The following OR5AS1 variants were observed in gnomAD, a reference collection of about 807,000 sequenced individuals.
OR5AS1 encodes the protein olfactory receptor 5AS1.
For synonymous variants in OR5AS1, 196 were observed against 141.7 expected (o/e 1.38, Z -2.72); for missense variants, 492 against 378.2 (o/e 1.30, Z -2.50).
chr11:56,030,942 A>G lies in OR5AS1; in HGVS notation c.524A>G (p.Asn175Ser), dbSNP rs773840562. Reference protein sequence around the residue: ...RLSFCGSNIVNHFFCDIPPLL... With the variant: ...RLSFCGSNIVSHFFCDIPPLL... ...TCATTTTGTGGCTCCAATATCGTCA[A>G]TCATTTTTTCTGTGATATCCCACCT... The change falls in exon 2 of 2, where the codon AAT becomes AGT. Residue 175 changes from asparagine to serine, a missense_variant. Physicochemically the swap from Asn to Ser is conservative, Grantham distance 46. Transcript: ENST00000641320. 9 of 1,614,126 alleles carry G rather than the reference A, an allele frequency of 5.6e-6. No homozygotes were observed. Among genetic ancestry groups the G allele is most frequent in the Non-Finnish European group, 7.6e-6 (9 of 1,180,004 alleles).
At chr11:56,030,094 G>A (rs1202260362) in intron 1 of OR5AS1, among the ~76,000 whole-genome samples, 1 of 151,990 alleles carries the variant, frequency 6.6e-6, no homozygotes, top group Admixed American at 6.6e-5. Flanking sequence ...CTCATTACAT[G>A]AGCTACATTT....
Position 56,033,341 on chromosome 11 carries a change from A to G in OR5AS1, c.*1948A>G, listed in dbSNP as rs1051336472. 1.3e-5 allele frequency: 2 copies of G among 152,662 alleles called. No homozygotes were observed. Among genetic ancestry groups the G allele is most frequent in the Non-Finnish European group, 2.9e-5 (2 of 68,598 alleles). 9.5% of individuals were successfully genotyped at this position (152,662 alleles called of 1,614,324 possible). A position where few individuals can be genotyped will look rare whatever the true frequency, so the allele number is the denominator to read the frequency against. ...CAAGTGGTCTAGCTCAGCAGATCCC[A>G]CCCCCATGGAGCCCAGCAAGCTAAG... On this transcript the variant is annotated 3_prime_UTR_variant, in exon 2 of 2. Transcript: ENST00000641320.
chr11:56,031,315 T>C lies in OR5AS1; in HGVS notation c.897T>C (p.Asn299=), dbSNP rs1324908941. Reference sequence around the variant, plus strand: ...GTTTCAGAAACAAGGATGTGAAAAATGCTCTCAAAAAGCTATTAGAAAGAA... The same window carrying C: ...GTTTCAGAAACAAGGATGTGAAAAACGCTCTCAAAAAGCTATTAGAAAGAA... The part of the protein sequence containing the change: ...IYSFRNKDVK[N]ALKKLLERIG... The change falls in exon 2 of 2, where the codon AAT becomes AAC. Residue 299 remains asparagine (N), a synonymous_variant. Transcript: ENST00000641320. 18 of 1,603,304 alleles carry C rather than the reference T, an allele frequency of 1.1e-5. No homozygotes were observed. The highest frequency in any genetic ancestry group is 1.5e-5 in the Non-Finnish European group (18 of 1,175,418).
At chr11:56,028,287 T>C (rs1853315800) in intron 1 of OR5AS1, among the ~76,000 whole-genome samples, 1 of 152,020 alleles carries the variant, frequency 6.6e-6, no homozygotes, top group Admixed American at 6.6e-5. Flanking sequence ...TCTTATAATA[T>C]ATTATTATGC....
Position 56,034,414 on chromosome 11 carries a change from T to C in OR5AS1, c.*3021T>C, listed in dbSNP as rs776063660. The C allele has an allele frequency of 6.6e-5, 10 of 151,924 alleles. No homozygotes were observed. Among genetic ancestry groups the C allele is most frequent in the Non-Finnish European group, 1.0e-4 (7 of 68,018 alleles). The allele number at this position is 151,924 out of a possible 1,614,324, so 9.4% of individuals were successfully genotyped here. On this transcript the variant is annotated 3_prime_UTR_variant, in exon 2 of 2. Coordinates refer to ENST00000641320, the MANE Select transcript of OR5AS1 (RefSeq NM_001001921.2). ...TAGAATAACTGGTTTGAAGAGAACA[T>C]AAATAACCTGATGGAGCTGAAAAAC...
rs1381282001 is a variant in OR5AS1, at chr11:56,033,481, T to C, written c.*2088T>C. 6.6e-6 allele frequency: 1 copy of C among 152,210 alleles called. No individual in the cohort carries two copies. Among genetic ancestry groups the C allele is most frequent in the Non-Finnish European group, 1.5e-5 (1 of 68,178 alleles). The allele number at this position is 152,210 out of a possible 1,614,324, so 9.4% of individuals were successfully genotyped here. A position where few individuals can be genotyped will look rare whatever the true frequency, so the allele number is the denominator to read the frequency against. Reference sequence around the variant, plus strand: ...TTGCTGAGGCTTCAGTAGGCAGTTTTCCCCTCATAGTGTAAACAAAGCTGC... The same window carrying C: ...TTGCTGAGGCTTCAGTAGGCAGTTTCCCCCTCATAGTGTAAACAAAGCTGC... On this transcript the variant is annotated 3_prime_UTR_variant, in exon 2 of 2. Coordinates refer to ENST00000641320, the MANE Select transcript of OR5AS1 (RefSeq NM_001001921.2).
chr11:56,036,119 A>T lies in OR5AS1; in HGVS notation c.*4726A>T, dbSNP rs1853401853. ...GACACAAGGTATCAGAATCTCTGGG[A>T]CATAGCTAAAGCAGTGTTTAGAGGA... On this transcript the variant is annotated 3_prime_UTR_variant, in exon 2 of 2. Transcript: ENST00000641320. 6.6e-6 allele frequency: 1 copy of T among 152,154 alleles called. No individual in the cohort carries two copies. Among genetic ancestry groups the T allele is most frequent in the Admixed American group, 6.5e-5 (1 of 15,276 alleles). 9.4% of individuals were successfully genotyped at this position (152,154 alleles called of 1,614,324 possible).
rs536683149 is a variant in OR5AS1, at chr11:56,030,811, C to T, written c.393C>T (p.Leu131=). The T allele has an allele frequency of 9.9e-6, 16 of 1,613,906 alleles. No homozygotes were observed. Among genetic ancestry groups the T allele is most frequent in the African/African-American group, 9.4e-5 (7 of 74,854 alleles). The part of the protein sequence containing the change: ...DRYAAICNPL[L]YTTLMSRRVC... ...ATGCAGCCATCTGCAACCCACTGCT[C>T]TATACTACACTGATGTCTAGGAGAG... The change falls in exon 2 of 2, where the codon CTC becomes CTT. Residue 131 remains leucine, a synonymous_variant. Transcript: ENST00000641320.
intron 1 of OR5AS1, among the ~76,000 whole-genome samples, chr11:56,028,221 A>T (rs1045534898): frequency 6.6e-6 from 1 of 151,970 alleles, no homozygotes; most frequent in African/African-American, 2.4e-5. Flanking sequence ...ATACATTTTG[A>T]TGCATCTACA....
chr11:56,035,328 G>A lies in OR5AS1; in HGVS notation c.*3935G>A, dbSNP rs1853393265. ...GTTAAAAGCCACAGACTGGCAAATT[G>A]GATAGAGTCAAGACCGATTGGTGTG... On this transcript the variant is annotated 3_prime_UTR_variant, in exon 2 of 2. Transcript: ENST00000641320. 6.6e-6 allele frequency: 1 copy of A among 152,132 alleles called. No homozygotes were observed. The highest frequency in any genetic ancestry group is 1.5e-5 in the Non-Finnish European group (1 of 68,040). The allele number at this position is 152,132 out of a possible 1,614,324, so 9.4% of individuals were successfully genotyped here. A position where few individuals can be genotyped will look rare whatever the true frequency, so the allele number is the denominator to read the frequency against.
chr11:56,028,560 T>A (rs1408238073), intron 1 of OR5AS1, among the ~76,000 whole-genome samples: 1 of 152,102 alleles, frequency 6.6e-6, no homozygotes, highest in Admixed American at 6.5e-5. Flanking sequence ...AAATGAGATT[T>A]CCCTAAGATC....
At chr11:56,029,126 G>T (rs2134689664) in intron 1 of OR5AS1, among the ~76,000 whole-genome samples, 1 of 152,078 alleles carries the variant, frequency 6.6e-6, no homozygotes, top group Middle Eastern at 3.4e-3. Context: ...TTGCCATTTG[G>T]CTGGAGAAAG....
intron 1 of OR5AS1, among the ~76,000 whole-genome samples, chr11:56,029,821 A>G (rs921941673): frequency 3.3e-5 from 5 of 152,092 alleles, no homozygotes; most frequent in Admixed American, 1.3e-4. Context: ...TCAAATAACT[A>G]TACCAAAGTC....
chr11:56,030,159 A>G (rs1475257672), intron 1 of OR5AS1, among the ~76,000 whole-genome samples: 1 of 152,144 alleles, frequency 6.6e-6, no homozygotes, highest in Non-Finnish European at 1.5e-5. Context: ...GCGCGTTTAA[A>G]GAGGTACTAT....
In OR5AS1 at chr11:56,032,126, AATGAAGATAC is replaced by A. The variant is rs1165025372; in HGVS notation, c.*736_*745del. 6.6e-6 allele frequency: 1 copy of A among 152,156 alleles called. No homozygotes were observed. The allele number at this position is 152,156 out of a possible 1,614,324, so 9.4% of individuals were successfully genotyped here. A position where few individuals can be genotyped will look rare whatever the true frequency, so the allele number is the denominator to read the frequency against. On this transcript the variant is annotated 3_prime_UTR_variant, in exon 2 of 2. Transcript: ENST00000641320. ...AATAGTCTCATTATTATTAAGTCAGAATGAAGATACATCACATTGTCTTTGGGCTAAGTTG... is the reference window on the plus strand; with the variant it reads ...AATAGTCTCATTATTATTAAGTCAGAATCACATTGTCTTTGGGCTAAGTTG...
In OR5AS1 at chr11:56,030,661, G is replaced by T. The variant is rs748578793; in HGVS notation, c.243G>T (p.Met81Ile). 1 of 1,582,328 alleles carries T rather than the reference G, an allele frequency of 6.3e-7. No homozygotes were observed. The highest frequency in any genetic ancestry group is 2.2e-5 in the East Asian group (1 of 44,510). ...GTTCTACAGCAATCACTCCTAAAAT[G>T]CTGGCAAACTTCTTGGCATCCAGGA... ...ISCSTAITPK[M>I]LANFLASRKS... Residue 81 changes from methionine to isoleucine, a missense_variant, in exon 2 of 2, where the codon ATG becomes ATT. Met to Ile is a conservative substitution (Grantham distance 10). Transcript: ENST00000641320.
Position 56,033,991 on chromosome 11 carries a change from C to G in OR5AS1, c.*2598C>G, listed in dbSNP as rs1853378627. ...GGCAAACAGGGTCTGGAGTGGATCT[C>G]CAGCAAACTCCAGCAGACCTGCAGC... On this transcript the variant is annotated 3_prime_UTR_variant, in exon 2 of 2. Coordinates refer to ENST00000641320, the MANE Select transcript of OR5AS1 (RefSeq NM_001001921.2). 1 of 152,398 alleles carries G rather than the reference C, an allele frequency of 6.6e-6. No individual in the cohort carries two copies. Among genetic ancestry groups the G allele is most frequent in the South Asian group, 2.1e-4 (1 of 4,826 alleles). 9.4% of individuals were successfully genotyped at this position (152,398 alleles called of 1,614,324 possible).
In OR5AS1 at chr11:56,032,488, T is replaced by C. The variant is rs1853361154; in HGVS notation, c.*1095T>C. On this transcript the variant is annotated 3_prime_UTR_variant, in exon 2 of 2. Transcript: ENST00000641320. The stretch of plus-strand genomic sequence containing the variant: ...ACTTTTTGTCTTATTTTGACAAAGT[T>C]AAAGTGATACACCATGTACATGTGA... 6.6e-6 allele frequency: 1 copy of C among 152,120 alleles called. No individual in the cohort carries two copies. The allele number at this position is 152,120 out of a possible 1,614,324, so 9.4% of individuals were successfully genotyped here.
In OR5AS1 at chr11:56,030,623, T is replaced by C; in HGVS notation, c.205T>C (p.Leu69=). ...TTATTTTCTTAGCAACTTATCTTTC[T>C]TAGACATCAGCTGTTCTACAGCAAT... ...MYYFLSNLSF[L]DISCSTAITP... Residue 69 remains leucine, a synonymous_variant, in exon 2 of 2, where the codon TTA becomes CTA. Coordinates refer to ENST00000641320, the MANE Select transcript of OR5AS1 (RefSeq NM_001001921.2). 1.9e-6 allele frequency: 3 copies of C among 1,551,576 alleles called. No individual in the cohort carries two copies. Among genetic ancestry groups the C allele is most frequent in the South Asian group, 2.5e-5 (2 of 80,404 alleles).
Sources: gnomAD v4.1 joint callset for allele counts (sites outside exome capture counted in the v4.1 genomes callset) on GRCh38, gnomAD v4.1.1 for gene constraint, MANE v1.5 for transcripts, NCBI Gene and HGNC (gene_info 2026-07-23, HGNC 2026-07-21) for gene names.